The following TENM2 variants were observed in gnomAD, a reference collection of about 807,000 sequenced individuals.
TENM2 encodes teneurin-2.
A neutral mutation model predicts 245.2 loss-of-function variants in TENM2; 52 were observed. The ratio of observed to expected loss-of-function variants is 0.21; its 90% CI spans 0.17 to 0.27. TENM2 has a LOEUF of 0.27. TENM2 is among the 10% of genes least tolerant of loss of function. TENM2 has a pLI of 1.00. For synonymous variants in TENM2, 1,363 were observed against 1,438.9 expected, an observed-to-expected ratio of 0.95 and a Z score of 1.19; for missense variants, 3,046 against 3,666.8, an observed-to-expected ratio of 0.83 and a Z score of 4.37.
At position 167,326,181 on chromosome 5, in the gene TENM2, A is replaced by G. The variant is rs147511039; in HGVS notation, c.226+41118A>G. The stretch of plus-strand genomic sequence containing the variant: ...GGTCAGTGGGGCTGGACTTCATGAC[A>G]AGACAGGGAAACTGTCCTATAAGAT... On this transcript the variant is annotated intron_variant, in intron 1 of 28. Coordinates refer to ENST00000518659, the Ensembl canonical transcript of TENM2. 5.6e-3 allele frequency among the ~76,000 whole-genome samples: 855 copies of G among 152,266 alleles called. 6 individuals carry two copies. The highest frequency in any genetic ancestry group is 0.02 in the Middle Eastern group (6 of 294).
At chr5:167,035,943 A>G in the TENM2 span, among the ~76,000 whole-genome samples, 1 of 152,032 alleles carries the variant, frequency 6.6e-6, no homozygotes, top group Non-Finnish European at 1.5e-5. Flanking sequence ...GGCTTTCACC[A>G]TGTTGACGAG....
chr5:167,677,728 T>C (rs1177726295), intron 2 of TENM2, among the ~76,000 whole-genome samples: 3 of 148,856 alleles, frequency 2.0e-5, no homozygotes, highest in Non-Finnish European at 4.5e-5. Flanking sequence ...TAATTATATG[T>C]TTATATACTT....
Position 168,100,782 on chromosome 5 carries a change from T to C in TENM2, c.1813+2655T>C, listed in dbSNP as rs148398480. On this transcript the variant is annotated intron_variant, in intron 9 of 28. Coordinates refer to ENST00000518659, the Ensembl canonical transcript of TENM2. ...ATAGCATTAGAAGAAATACCTAATG[T>C]AGATGATGGGTTGATGGGTGCAGCA... 2.6e-3 allele frequency among the ~76,000 whole-genome samples: 391 copies of C among 152,024 alleles called. 2 individuals are homozygous for C. The highest frequency in any genetic ancestry group is 8.9e-3 in the African/African-American group (369 of 41,464).
chr5:168,053,066 A>C (rs1360884713), intron 6 of TENM2, among the ~76,000 whole-genome samples: 1 of 152,136 alleles, frequency 6.6e-6, no homozygotes, highest in Non-Finnish European at 1.5e-5. Context: ...TCACTTCCCT[A>C]TATGGGGCTT....
intron 2 of TENM2, among the ~76,000 whole-genome samples, chr5:167,541,446 G>A (rs1772207385): frequency 2.0e-5 from 3 of 152,142 alleles, no homozygotes; most frequent in Admixed American, 1.3e-4. Context: ...TTTTGAGAGA[G>A]AGGTTTGGAG....
chr5:167,881,591 A>G (rs1028811203), intron 3 of TENM2, among the ~76,000 whole-genome samples: 4 of 152,188 alleles, frequency 2.6e-5, no homozygotes, highest in Non-Finnish European at 4.4e-5. Flanking sequence ...TTTGTACCGC[A>G]CATAAGCCAC....
chr5:168,007,372 G>A (rs1263301610), intron 5 of TENM2, among the ~76,000 whole-genome samples: 1 of 152,116 alleles, frequency 6.6e-6, no homozygotes, highest in Non-Finnish European at 1.5e-5. Context: ...CAGGTTATCT[G>A]CCCACCTTGG....
intron 2 of TENM2, among the ~76,000 whole-genome samples, chr5:167,502,619 AT>A (rs1399455574): frequency 3.9e-5 from 6 of 152,264 alleles, no homozygotes; most frequent in African/African-American, 1.4e-4. Flanking sequence ...AGGACACTAC[AT>A]TTTGCATGGA....
intron 5 of TENM2, among the ~76,000 whole-genome samples, chr5:168,019,292 A>G (rs1266348228): frequency 3.3e-5 from 5 of 152,146 alleles, no homozygotes; most frequent in Admixed American, 3.3e-4. Context: ...GTGACTCAAA[A>G]CCCGCCAACA....
At chr5:167,867,490 T>G (rs1412250284) in intron 2 of TENM2, among the ~76,000 whole-genome samples, 2 of 152,106 alleles carry the variant, frequency 1.3e-5, no homozygotes, top group African/African-American at 4.8e-5. Context: ...TCCAATAAAT[T>G]ATGCATAAGA....
intron 3 of TENM2, among the ~76,000 whole-genome samples, chr5:167,907,379 C>G (rs373452807): frequency 1.3e-5 from 2 of 150,870 alleles, no homozygotes; most frequent in African/African-American, 4.8e-5. Context: ...AGCATTGTAT[C>G]GAAAGGTGAA....
chr5:167,445,369 A>AGAGAGAGAGAGAGT (rs35699708), intron 2 of TENM2, among the ~76,000 whole-genome samples: 2,835 of 97,788 alleles, frequency 0.029, 139 homozygotes, highest in East Asian at 0.071. Flanking sequence ...AGAGAGAGAG[A>AGAGAGAGAGAGAGT]GTGTCAGGTG....
the TENM2 span, among the ~76,000 whole-genome samples, chr5:166,995,469 C>G: frequency 6.6e-6 from 1 of 151,944 alleles, no homozygotes; most frequent in Admixed American, 6.6e-5. Flanking sequence ...TCTCGATTTC[C>G]TGACCTCGTG....
chr5:167,588,238 G>A (rs191895491), intron 2 of TENM2, among the ~76,000 whole-genome samples: 34 of 152,320 alleles, frequency 2.2e-4, no homozygotes, highest in African/African-American at 3.1e-4. Flanking sequence ...CCTTGTCTCC[G>A]TATTCAAAAT....
intron 2 of TENM2, among the ~76,000 whole-genome samples, chr5:167,713,091 A>G (rs1469416732): frequency 6.6e-6 from 1 of 152,082 alleles, no homozygotes; most frequent in African/African-American, 2.4e-5. Context: ...GTGTGTATAC[A>G]CATGTATATT....
intron 2 of TENM2, among the ~76,000 whole-genome samples, chr5:167,756,657 C>T (rs1482698784): frequency 6.6e-6 from 1 of 152,162 alleles, no homozygotes; most frequent in Non-Finnish European, 1.5e-5. Flanking sequence ...GACAGATGCC[C>T]TCATGGAGAC....
At chr5:167,515,635 A>ATG (rs1770296493) in intron 2 of TENM2, among the ~76,000 whole-genome samples, 1 of 142,540 alleles carries the variant, frequency 7.0e-6, no homozygotes, top group African/African-American at 2.6e-5. Context: ...ATATACATAT[A>ATG]TATGTATATA....
At chr5:167,524,255 T>C (rs1275393962) in intron 2 of TENM2, among the ~76,000 whole-genome samples, 1 of 152,066 alleles carries the variant, frequency 6.6e-6, no homozygotes, top group Admixed American at 6.6e-5. Flanking sequence ...CCATGAGACT[T>C]TGTACAAGTT....
At chr5:167,225,664 G>T in the TENM2 span, among the ~76,000 whole-genome samples, 1 of 151,932 alleles carries the variant, frequency 6.6e-6, no homozygotes, top group Non-Finnish European at 1.5e-5. Flanking sequence ...TGGTATCAGG[G>T]TAATGCTGGC....
Sources: allele counts gnomAD v4.1 joint callset (sites outside exome capture counted in the v4.1 genomes callset), GRCh38; gene constraint gnomAD v4.1.1; transcripts MANE v1.5; gene names NCBI Gene and HGNC (gene_info 2026-07-23, HGNC 2026-07-21).